Variants in MGAT5 observed in about 807,000 individuals in gnomAD.
The protein encoded by MGAT5 is alpha-1,6-mannosylglycoprotein 6-beta-N-acetylglucosaminyltransferase, also known as alpha-1,6-mannosylglycoprotein 6-beta-N-acetylglucosaminyltransferase A.
A neutral mutation model predicts 94.3 loss-of-function variants in MGAT5; 30 were observed. The observed-to-expected ratio is 0.32, with a 90% CI of 0.24 to 0.43. The LOEUF (loss-of-function observed/expected upper bound fraction) is 0.43. MGAT5 is among the 20% of genes least tolerant of loss of function. MGAT5 has a pLI of 1.00. For synonymous variants in MGAT5, 310 were observed against 322.9 expected (o/e 0.96, Z 0.43); for missense variants, 691 against 905.5 (o/e 0.76, Z 3.04).
intron 13 of MGAT5, among the ~76,000 whole-genome samples, chr2:134,424,089 C>A (rs1306794576): frequency 6.6e-6 from 1 of 152,160 alleles, no homozygotes; most frequent in Non-Finnish European, 1.5e-5. Context: ...AGAATGCAGC[C>A]TTTTAGTTAA....
At chr2:134,252,704 A>G (rs1682692712), upstream of MGAT5, among the ~76,000 whole-genome samples, 1 of 152,186 alleles carries the variant, frequency 6.6e-6, no homozygotes, top group African/African-American at 2.4e-5. Flanking sequence ...TAGATAGTAA[A>G]TATTTTAGGC....
intron 1 of MGAT5, among the ~76,000 whole-genome samples, chr2:134,197,080 TG>T (rs1194153495): frequency 6.6e-6 from 1 of 152,230 alleles, no homozygotes; most frequent in Non-Finnish European, 1.5e-5. Context: ...TGCCAGGTAC[TG>T]GGATGTATGT....
intron 6 of MGAT5, among the ~76,000 whole-genome samples, chr2:134,338,897 C>A (rs1286123651): frequency 6.6e-6 from 1 of 151,988 alleles, no homozygotes; most frequent in Non-Finnish European, 1.5e-5. Context: ...GAGCCAGTTT[C>A]TTTCTAGTTT....
chr2:134,444,512 ATGT>A (rs1685665765), intron 15 of MGAT5, among the ~76,000 whole-genome samples: 2 of 152,234 alleles, frequency 1.3e-5, no homozygotes, highest in South Asian at 4.1e-4. Flanking sequence ...AATACTGATA[ATGT>A]TGTAAAACCC....
chr2:134,442,966 G>A (rs1221775679), intron 15 of MGAT5, among the ~76,000 whole-genome samples: 4 of 152,114 alleles, frequency 2.6e-5, no homozygotes, highest in East Asian at 3.9e-4. Flanking sequence ...GTGGACCTGG[G>A]GCTCAGGGCT....
chr2:134,331,874 C>T (rs1687997047), intron 4 of MGAT5, among the ~76,000 whole-genome samples: 2 of 151,964 alleles, frequency 1.3e-5, no homozygotes, highest in Admixed American at 1.3e-4. Flanking sequence ...TGAAGGACCT[C>T]TTCAAGGAGA....
intron 1 of MGAT5, among the ~76,000 whole-genome samples, chr2:134,190,597 C>T (rs1218100294): frequency 6.6e-6 from 1 of 152,142 alleles, no homozygotes; most frequent in Non-Finnish European, 1.5e-5. Flanking sequence ...GCTGGAGCAC[C>T]CTAACTAGTT....
At position 134,176,572 on chromosome 2, in the gene MGAT5, TAA is replaced by T. The variant is rs66689362; in HGVS notation, c.-143+56303_-143+56304del. ...TGGGTGACAGAGGGAGACTCTGTCTTAAAAAAAAAAAAAAAAAAAAAAATTCT... is the reference window on the plus strand; with the variant it reads ...TGGGTGACAGAGGGAGACTCTGTCTTAAAAAAAAAAAAAAAAAAAAATTCT... On this transcript the variant is annotated intron_variant, in intron 1 of 16. Coordinates refer to the MGAT5 transcript ENST00000409645. Among the ~76,000 whole-genome samples the T allele has an allele frequency of 2.4e-3, 201 of 83,304 alleles. 2 individuals are homozygous for T. Among genetic ancestry groups the T allele is most frequent in the East Asian group, 0.012 (39 of 3,162 alleles). The allele number at this position is 83,304 out of a possible 152,430, so 54.7% of individuals were successfully genotyped here.
chr2:134,132,391 T>C (rs1219646098), intron 1 of MGAT5, among the ~76,000 whole-genome samples: 3 of 152,244 alleles, frequency 2.0e-5, no homozygotes, highest in African/African-American at 7.2e-5. Context: ...AGCTCACATA[T>C]GGAAGTAGGT....
At chr2:134,257,738 T>C (rs2105535438) in intron 1 of MGAT5, among the ~76,000 whole-genome samples, 1 of 151,876 alleles carries the variant, frequency 6.6e-6, no homozygotes, top group South Asian at 2.1e-4. Context: ...CTCTGGTAGT[T>C]AATGTCACAT....
intron 1 of MGAT5, among the ~76,000 whole-genome samples, chr2:134,245,157 C>T (rs1369342972): frequency 2.0e-5 from 3 of 152,218 alleles, no homozygotes; most frequent in East Asian, 1.9e-4. Context: ...GGACTGCAGG[C>T]GCCTGCCACC....
intron 1 of MGAT5, among the ~76,000 whole-genome samples, chr2:134,196,711 C>A (rs1379233652): frequency 6.6e-6 from 1 of 152,188 alleles, no homozygotes; most frequent in Non-Finnish European, 1.5e-5. Flanking sequence ...TTGAATGCGG[C>A]CCAACACAAA....
In MGAT5 at chr2:134,120,285, CAAGGAGG is replaced by C. The variant is rs1440932429; in HGVS notation, c.-148_-143+1del. 1 of 390,574 alleles carries C rather than the reference CAAGGAGG, an allele frequency of 2.6e-6. No individual in the cohort carries two copies. The highest frequency in any genetic ancestry group is 2.1e-5 in the African/African-American group (1 of 48,180). The allele number at this position is 390,574 out of a possible 1,614,324, so 24.2% of individuals were successfully genotyped here. On this transcript the variant is annotated splice_donor_variant and 5_prime_UTR_variant, in exon 1 of 17. Transcript: ENST00000409645. LOFTEE classifies it low-confidence loss of function (5UTR_SPLICE). ...GCTCCCGGCTGCTGCTGCTGCCCAACAAGGAGGTAAGAGCTGCCGGATCCGGGTGATC... is the reference window on the plus strand; with the variant it reads ...GCTCCCGGCTGCTGCTGCTGCCCAACTAAGAGCTGCCGGATCCGGGTGATC...
intron 11 of MGAT5, among the ~76,000 whole-genome samples, chr2:134,403,346 T>C (rs548318999): frequency 4.6e-5 from 7 of 152,264 alleles, no homozygotes; most frequent in Non-Finnish European, 7.4e-5. Flanking sequence ...TCAAAAATCG[T>C]ATTTACTAAG....
chr2:134,423,747 C>G (rs1297264480), intron 13 of MGAT5, among the ~76,000 whole-genome samples: 2 of 152,118 alleles, frequency 1.3e-5, no homozygotes, highest in African/African-American at 4.8e-5. Context: ...TAATGTAGGG[C>G]TAATATTACC....
intron 2 of MGAT5, among the ~76,000 whole-genome samples, chr2:134,299,365 C>A (rs960787070): frequency 2.0e-5 from 3 of 152,140 alleles, no homozygotes; most frequent in African/African-American, 7.2e-5. Flanking sequence ...TTCACAGGCA[C>A]CCTGGAAGTA....
In MGAT5 at chr2:134,342,577, C is replaced by A. The variant is rs371988743; in HGVS notation, c.977+818C>A. Among the ~76,000 whole-genome samples the A allele has an allele frequency of 7.0e-4, 107 of 152,172 alleles. 2 individuals carry two copies. The South Asian group carries it at 0.022, about 32-fold the overall frequency. Reference sequence around the variant, plus strand: ...GAACAACCTGGCCAACATGGTGAGACCCTGTCTGTACTAAAAATACAAGAA... The same window carrying A: ...GAACAACCTGGCCAACATGGTGAGAACCTGTCTGTACTAAAAATACAAGAA... On this transcript the variant is annotated intron_variant, in intron 7 of 15. Coordinates refer to ENST00000281923, the MANE Select transcript of MGAT5 (RefSeq NM_002410.5).
chr2:134,396,098 T>C (rs946477597), intron 10 of MGAT5, among the ~76,000 whole-genome samples: 1 of 152,038 alleles, frequency 6.6e-6, no homozygotes, highest in African/African-American at 2.4e-5. Context: ...CCTAGAGAGG[T>C]AAGGGTTTGG....
intron 10 of MGAT5, among the ~76,000 whole-genome samples, chr2:134,391,978 C>G (rs1682445477): frequency 6.6e-6 from 1 of 152,170 alleles, no homozygotes; most frequent in Non-Finnish European, 1.5e-5. Flanking sequence ...TTTCCTGGCT[C>G]TGGGTCCTTC....
Sources: gnomAD v4.1 joint callset for allele counts (sites outside exome capture counted in the v4.1 genomes callset) on GRCh38, gnomAD v4.1.1 for gene constraint, MANE v1.5 for transcripts, NCBI Gene and HGNC (gene_info 2026-07-23, HGNC 2026-07-21) for gene names.